TSHZ2: variants seen among roughly 807,000 people sequenced by gnomAD.
TSHZ2 encodes teashirt homolog 2.
In TSHZ2, 21 loss-of-function variants were observed where a neutral mutation model predicts 74.4. The ratio of observed to expected loss-of-function variants is 0.28; its 90% CI spans 0.20 to 0.41. TSHZ2 has a LOEUF of 0.41. TSHZ2 is among the 10% of genes least tolerant of loss of function. The pLI, the probability that TSHZ2 is intolerant of heterozygous loss-of-function variation, is 1.00. For synonymous variants in TSHZ2, 540 were observed against 515.3 expected, an observed-to-expected ratio of 1.05 and a Z score of -0.65; for missense variants, 1,244 against 1,293.5, an observed-to-expected ratio of 0.96 and a Z score of 0.59.
chr20:53,037,548 A>G (rs566052007), intron 1 of TSHZ2, among the ~76,000 whole-genome samples: 41 of 152,170 alleles, frequency 2.7e-4, no homozygotes, highest in Non-Finnish European at 5.7e-4. Flanking sequence ...GTATTTCTGT[A>G]TTTCCATCTA....
chr20:53,021,234 A>AT (rs1306625182), intron 1 of TSHZ2, among the ~76,000 whole-genome samples: 3 of 152,038 alleles, frequency 2.0e-5, no homozygotes, highest in Non-Finnish European at 4.4e-5. Flanking sequence ...ACCACTTTGG[A>AT]TTTTTTTCTG....
chr20:53,460,246 G>T (rs184333124), intron 2 of TSHZ2, among the ~76,000 whole-genome samples: 251 of 151,996 alleles, frequency 1.7e-3, no homozygotes, highest in African/African-American at 5.3e-3. Context: ...CTTGGAGGCT[G>T]TGCTCATTTC....
At chr20:53,467,700 A>G (rs1985603335) in intron 2 of TSHZ2, among the ~76,000 whole-genome samples, 1 of 152,242 alleles carries the variant, frequency 6.6e-6, no homozygotes, top group South Asian at 2.1e-4. Flanking sequence ...AGAGAATATC[A>G]AAAGAAGTTT....
chr20:53,417,259 C>T (rs1035699356), intron 2 of TSHZ2, among the ~76,000 whole-genome samples: 21 of 151,050 alleles, frequency 1.4e-4, no homozygotes, highest in Non-Finnish European at 3.0e-5. Context: ...CACACACACA[C>T]ACACACACAC....
At chr20:53,358,257 G>A (rs1174243851) in intron 2 of TSHZ2, among the ~76,000 whole-genome samples, 4 of 147,462 alleles carry the variant, frequency 2.7e-5, no homozygotes, top group African/African-American at 1.0e-4. Flanking sequence ...TGCAGTTACT[G>A]AGCCTGGGTA....
At chr20:52,996,189 G>T (rs1043613682) in intron 1 of TSHZ2, among the ~76,000 whole-genome samples, 3 of 151,826 alleles carry the variant, frequency 2.0e-5, no homozygotes, top group African/African-American at 7.3e-5. Flanking sequence ...ATGGAAGTGG[G>T]GTAAAATATG....
chr20:53,119,936 A>G (rs1425944814), intron 1 of TSHZ2, among the ~76,000 whole-genome samples: 1 of 152,200 alleles, frequency 6.6e-6, no homozygotes, highest in Non-Finnish European at 1.5e-5. Flanking sequence ...GAGTCTCTAA[A>G]TCTAATATTC....
intron 2 of TSHZ2, among the ~76,000 whole-genome samples, chr20:53,335,087 G>A (rs1415616929): frequency 6.6e-6 from 1 of 152,216 alleles, no homozygotes; most frequent in African/African-American, 2.4e-5. Context: ...CCAGGTGAGA[G>A]ACGACCATGC....
At position 53,390,531 on chromosome 20, in the gene TSHZ2, G is replaced by A. The variant is rs140094685; in HGVS notation, c.*9-96613G>A. On this transcript the variant is annotated intron_variant, in intron 2 of 2. Transcript: ENST00000371497. ...AAACAATGAACACTTATTAAACACC[G>A]ACTGTGTGCCTTCTTCCCTGGCACA... Among the ~76,000 whole-genome samples the A allele has an allele frequency of 3.0e-3, 452 of 152,290 alleles. 1 individual carries two copies. The highest frequency in any genetic ancestry group is 0.01 in the African/African-American group (423 of 41,550).
At chr20:53,175,831 G>T (rs1988324624) in intron 1 of TSHZ2, among the ~76,000 whole-genome samples, 1 of 152,194 alleles carries the variant, frequency 6.6e-6, no homozygotes, top group Non-Finnish European at 1.5e-5. Flanking sequence ...AACCTTTGTT[G>T]CATTCATTCA....
intron 2 of TSHZ2, among the ~76,000 whole-genome samples, chr20:53,259,123 G>T (rs1990547200): frequency 6.6e-6 from 1 of 152,134 alleles, no homozygotes. Context: ...ATGCATGTAA[G>T]GTTTCTAAAT....
At position 53,492,498 on chromosome 20, in the gene TSHZ2, G is replaced by C. The variant is rs577173482; in HGVS notation, c.*5363G>C. 1 of 152,268 alleles carries C rather than the reference G, an allele frequency of 6.6e-6. No individual in the cohort carries two copies. Among genetic ancestry groups the C allele is most frequent in the South Asian group, 2.1e-4 (1 of 4,826 alleles). 9.4% of individuals were successfully genotyped at this position (152,268 alleles called of 1,614,324 possible). ...ACAAAACAATTCCCATTTGGCTCAG[G>C]GTTCCTAAATGTCACAATATCTTGG... On this transcript the variant is annotated 3_prime_UTR_variant, in exon 3 of 3. Coordinates refer to ENST00000371497, the MANE Select transcript of TSHZ2 (RefSeq NM_173485.6).
chr20:53,455,806 C>G (rs1168317004), intron 2 of TSHZ2, among the ~76,000 whole-genome samples: 68 of 150,188 alleles, frequency 4.5e-4, no homozygotes, highest in Middle Eastern at 6.8e-3. Flanking sequence ...TGAGAATATG[C>G]AGTGTTTGGT....
chr20:53,129,061 G>C (rs1311102756), intron 1 of TSHZ2, among the ~76,000 whole-genome samples: 10 of 152,114 alleles, frequency 6.6e-5, no homozygotes, highest in African/African-American at 2.4e-4. Context: ...TCTAGTAGGA[G>C]AATCTCTGCA....
At chr20:53,433,944 C>T (rs558492999) in intron 2 of TSHZ2, among the ~76,000 whole-genome samples, 38 of 152,312 alleles carry the variant, frequency 2.5e-4, no homozygotes, top group African/African-American at 9.1e-4. Context: ...TCTTGGCTCA[C>T]GGCAACCTCC....
chr20:53,440,907 A>G (rs2870258), intron 2 of TSHZ2, among the ~76,000 whole-genome samples: 50,779 of 152,140 alleles, frequency 0.33, 8,812 homozygotes, highest in Non-Finnish European at 0.36. Flanking sequence ...GGGCATCAGT[A>G]TTTTTAGCAG....
intron 2 of TSHZ2, among the ~76,000 whole-genome samples, chr20:53,363,264 T>C (rs1445626602): frequency 6.6e-6 from 1 of 152,250 alleles, no homozygotes; most frequent in African/African-American, 2.4e-5. Context: ...GGGATCATCT[T>C]CTGCATCAGC....
chr20:53,216,095 G>A (rs1172947336), intron 1 of TSHZ2, among the ~76,000 whole-genome samples: 3 of 152,146 alleles, frequency 2.0e-5, no homozygotes, highest in Non-Finnish European at 4.4e-5. Flanking sequence ...AGGACAGAAA[G>A]GCACGACCTT....
At chr20:53,081,768 C>G (rs968193050) in intron 1 of TSHZ2, among the ~76,000 whole-genome samples, 4 of 152,164 alleles carry the variant, frequency 2.6e-5, no homozygotes, top group African/African-American at 9.7e-5. Flanking sequence ...TTTGTTCTCC[C>G]AAACCCATTT....
Sources: gnomAD v4.1 joint callset for allele counts (sites outside exome capture counted in the v4.1 genomes callset) on GRCh38, gnomAD v4.1.1 for gene constraint, MANE v1.5 for transcripts, NCBI Gene and HGNC (gene_info 2026-07-23, HGNC 2026-07-21) for gene names.